ZNF536: variants seen among roughly 807,000 people sequenced by gnomAD.
ZNF536 encodes zinc finger protein 536.
A neutral mutation model predicts 84.5 loss-of-function variants in ZNF536; 13 were observed. The observed-to-expected ratio is 0.15, with a 90% CI of 0.10 to 0.24. ZNF536 has a LOEUF of 0.24. ZNF536 is among the 10% of genes least tolerant of loss of function. The probability of loss-of-function intolerance (pLI) is 1.00; values close to 1 mark genes in which losing one functional copy is unlikely to be tolerated. For synonymous variants in ZNF536, 811 were observed against 742.5 expected, an observed-to-expected ratio of 1.09 and a Z score of -1.50; for missense variants, 1,536 against 1,747.5, an observed-to-expected ratio of 0.88 and a Z score of 2.16.
chr19:30,484,736 C>A (rs1294341634), intron 2 of ZNF536, among the ~76,000 whole-genome samples: 1 of 148,852 alleles, frequency 6.7e-6, no homozygotes, highest in African/African-American at 2.5e-5. Context: ...CTGTGGAACT[C>A]CGTGTGAGAG....
At chr19:30,390,459 T>A (rs540396039) in intron 1 of ZNF536, among the ~76,000 whole-genome samples, 5 of 151,848 alleles carry the variant, frequency 3.3e-5, no homozygotes, top group Non-Finnish European at 7.4e-5. Context: ...GAAAGTGGAG[T>A]TGAACTCTCC....
At chr19:30,387,537 G>A (rs2049393170) in intron 1 of ZNF536, among the ~76,000 whole-genome samples, 1 of 152,348 alleles carries the variant, frequency 6.6e-6, no homozygotes, top group Middle Eastern at 3.4e-3. Context: ...GCTGCTGAGA[G>A]CAGAGCGATC....
intron 2 of ZNF536, among the ~76,000 whole-genome samples, chr19:30,318,088 C>T (rs2046739170): frequency 6.6e-6 from 1 of 152,198 alleles, no homozygotes; most frequent in Admixed American, 6.5e-5. Flanking sequence ...GTCGGCACAT[C>T]CGGCCTGCCC....
chr19:30,701,538 GACACACAAACAC>G lies in ZNF536; in HGVS notation c.170-9199_170-9188del, dbSNP rs1266273329. 7.5e-4 allele frequency among the ~76,000 whole-genome samples: 82 copies of G among 108,898 alleles called. 2 individuals are homozygous for G. The highest frequency in any genetic ancestry group is 5.6e-3 in the Middle Eastern group (1 of 178). The allele number at this position is 108,898 out of a possible 152,430, so 71.4% of individuals were successfully genotyped here. ...AAACACACAGACACACAAACACACA[GACACACAAACAC>G]ACACACAAACACACACACATACACA... On this transcript the variant is annotated intron_variant, in intron 1 of 1. Transcript: ENST00000592773.
chr19:30,491,463 G>A (rs1395276831), intron 2 of ZNF536, among the ~76,000 whole-genome samples: 3 of 152,144 alleles, frequency 2.0e-5, no homozygotes, highest in Non-Finnish European at 4.4e-5. Flanking sequence ...CATGTACCTG[G>A]TAATACAATG....
chr19:30,344,769 A>C (rs1284882648), intron 2 of ZNF536, among the ~76,000 whole-genome samples: 1 of 152,056 alleles, frequency 6.6e-6, no homozygotes, highest in African/African-American at 2.4e-5. Flanking sequence ...TCATCCCCTC[A>C]TTTCACAGTT....
intron 2 of ZNF536, among the ~76,000 whole-genome samples, chr19:30,289,541 C>G (rs1341330620): frequency 2.0e-5 from 3 of 152,236 alleles, no homozygotes; most frequent in Admixed American, 2.0e-4. Context: ...AGGCCGACTT[C>G]CCCTGGATGG....
chr19:30,567,941 C>A (rs2046411296), intron 1 of ZNF536, among the ~76,000 whole-genome samples: 1 of 152,150 alleles, frequency 6.6e-6, no homozygotes, highest in Non-Finnish European at 1.5e-5. Context: ...ATAGCCAGAC[C>A]TTTTCTGTTA....
intron 1 of ZNF536, among the ~76,000 whole-genome samples, chr19:30,254,586 G>A (rs199647046): frequency 9.2e-5 from 12 of 131,010 alleles, no homozygotes; most frequent in Non-Finnish European, 9.6e-5. Context: ...TTCTCTTTTT[G>A]AAAAAAAAAA....
chr19:30,271,545 C>T (rs2025855427), intron 1 of ZNF536, among the ~76,000 whole-genome samples: 1 of 152,100 alleles, frequency 6.6e-6, no homozygotes, highest in Non-Finnish European at 1.5e-5. Context: ...TGATCACACC[C>T]TCTGCCCAGA....
chr19:30,633,216 C>T (rs1162750520), intron 1 of ZNF536, among the ~76,000 whole-genome samples: 1 of 152,208 alleles, frequency 6.6e-6, no homozygotes, highest in Non-Finnish European at 1.5e-5. Flanking sequence ...ATCTAGCTGT[C>T]AAACGCTTCC....
intron 2 of ZNF536, among the ~76,000 whole-genome samples, chr19:30,456,659 C>A (rs926519402): frequency 3.3e-5 from 5 of 152,208 alleles, no homozygotes; most frequent in Non-Finnish European, 5.9e-5. Flanking sequence ...TTTGTTCAAT[C>A]ATTAATTCAC....
chr19:30,405,216 T>A (rs1208250515), intron 1 of ZNF536, among the ~76,000 whole-genome samples: 1 of 151,912 alleles, frequency 6.6e-6, no homozygotes, highest in Non-Finnish European at 1.5e-5. Flanking sequence ...TTGGGGAGGG[T>A]CTTAAGACCC....
intron 2 of ZNF536, among the ~76,000 whole-genome samples, chr19:30,502,569 A>G (rs1482333297): frequency 1.3e-5 from 2 of 152,164 alleles, no homozygotes; most frequent in Non-Finnish European, 1.5e-5. Flanking sequence ...TACCCTAAGT[A>G]GGGGACTTAT....
At chr19:30,232,982 G>A (rs928925423) in intron 1 of ZNF536, among the ~76,000 whole-genome samples, 1 of 152,214 alleles carries the variant, frequency 6.6e-6, no homozygotes, top group African/African-American at 2.4e-5. Context: ...CTTCAGGGGG[G>A]TGGAAGGTCA....
chr19:30,705,971 C>T (rs914785186), intron 1 of ZNF536, among the ~76,000 whole-genome samples: 1 of 152,022 alleles, frequency 6.6e-6, no homozygotes, highest in Non-Finnish European at 1.5e-5. Context: ...ATTTTAAAAT[C>T]GATTGGTGGA....
intron 2 of ZNF536, among the ~76,000 whole-genome samples, chr19:30,336,808 A>G (rs2096817934): frequency 1.3e-5 from 2 of 152,194 alleles, no homozygotes; most frequent in South Asian, 4.1e-4. Context: ...TGGTTTTTTC[A>G]TATTCAATTA....
At position 30,547,971 on chromosome 19, in the gene ZNF536, T is replaced by C. The variant is rs2146174586; in HGVS notation, c.2352T>C (p.Cys784=). The C allele has an allele frequency of 6.3e-7, 1 of 1,581,262 alleles. No homozygotes were observed. The highest frequency in any genetic ancestry group is 8.6e-7 in the Non-Finnish European group (1 of 1,164,234). Residue 784 remains cysteine (C), a synonymous_variant, in exon 4 of 5, where the codon TGT becomes TGC. Coordinates refer to ENST00000355537, the MANE Select transcript of ZNF536 (RefSeq NM_014717.3). ...TGEKPYKCPH[C]DYAGTQSASL... ...AGAAACCCTACAAGTGTCCGCACTG[T>C]GACTATGCCGGCACGCAGTCAGCAT...
chr19:30,539,589 G>A (rs2045245821), intron 3 of ZNF536, among the ~76,000 whole-genome samples: 1 of 152,178 alleles, frequency 6.6e-6, no homozygotes. Context: ...GAGGGCGCAT[G>A]TCCCCAGAGT....
Sources: allele counts gnomAD v4.1 joint callset (sites outside exome capture counted in the v4.1 genomes callset), GRCh38; gene constraint gnomAD v4.1.1; transcripts MANE v1.5; gene names NCBI Gene and HGNC (gene_info 2026-07-23, HGNC 2026-07-21).